CTNNA3: variants seen among roughly 807,000 people sequenced by gnomAD.
CTNNA3 encodes catenin alpha-3.
Under a neutral mutation model 95.7 loss-of-function variants are expected in CTNNA3, and 76 were observed. The observed-to-expected ratio is 0.79, with a 90% CI of 0.66 to 0.96. The LOEUF (loss-of-function observed/expected upper bound fraction) is 0.96. Among genes scored for constraint, CTNNA3 ranks in the 40% least tolerant of loss-of-function variants. The pLI, the probability that CTNNA3 is intolerant of heterozygous loss-of-function variation, is 0.00. For missense variants in CTNNA3, 1,191 were observed against 1,089.8 expected (o/e 1.09, Z -1.31); for synonymous variants, 431 against 374.4 (o/e 1.15, Z -1.74).
chr10:67,307,436 G>A (rs1840601573), intron 5 of CTNNA3, among the ~76,000 whole-genome samples: 1 of 152,106 alleles, frequency 6.6e-6, no homozygotes, highest in African/African-American at 2.4e-5. Context: ...CTGAATCTCT[G>A]CCTTCTATAC....
intron 11 of CTNNA3, among the ~76,000 whole-genome samples, chr10:66,462,302 GT>G: frequency 6.6e-6 from 1 of 152,018 alleles, no homozygotes; most frequent in Non-Finnish European, 1.5e-5. Context: ...TCAATATCAT[GT>G]TACACAATTC....
intron 11 of CTNNA3, among the ~76,000 whole-genome samples, chr10:66,413,155 C>T (rs540626534): frequency 6.6e-6 from 1 of 152,216 alleles, no homozygotes; most frequent in South Asian, 2.1e-4. Context: ...GTAGTTAGCA[C>T]AAGTCTTGGT....
At chr10:67,415,544 A>T (rs1403341808) in intron 5 of CTNNA3, among the ~76,000 whole-genome samples, 1 of 152,216 alleles carries the variant, frequency 6.6e-6, no homozygotes, top group Non-Finnish European at 1.5e-5. Context: ...GAATTGAAAG[A>T]ATCAATATTG....
chr10:66,433,225 T>G (rs1023392684), intron 11 of CTNNA3, among the ~76,000 whole-genome samples: 1 of 152,112 alleles, frequency 6.6e-6, no homozygotes, highest in Non-Finnish European at 1.5e-5. Flanking sequence ...AATTGCCACA[T>G]TGTCTTCCAC....
rs35487547 is a variant in CTNNA3 at position 66,749,603 on chromosome 10, A to C, written c.1281+16661T>G. 1.1e-3 allele frequency among the ~76,000 whole-genome samples: 166 copies of C among 152,198 alleles called. 1 individual carries two copies. The highest frequency in any genetic ancestry group is 1.7e-3 in the Non-Finnish European group (115 of 68,020). ...TGGATATACCCCGGTTTATTTATTCATTCACCTACTGAAGGACATCTTGAT... is the reference window on the plus strand; with the variant it reads ...TGGATATACCCCGGTTTATTTATTCCTTCACCTACTGAAGGACATCTTGAT... On this transcript the variant is annotated intron_variant, in intron 9 of 17. Coordinates refer to ENST00000433211, the MANE Select transcript of CTNNA3 (RefSeq NM_013266.4).
At chr10:67,465,765 A>G (rs1437879112) in intron 5 of CTNNA3, among the ~76,000 whole-genome samples, 1 of 152,266 alleles carries the variant, frequency 6.6e-6, no homozygotes, top group South Asian at 2.1e-4. Context: ...TTATTTGGAG[A>G]AGGTGAAAAA....
intron 7 of CTNNA3, among the ~76,000 whole-genome samples, chr10:66,955,565 C>T (rs1848743443): frequency 2.6e-5 from 4 of 152,096 alleles, no homozygotes; most frequent in South Asian, 2.1e-4. Flanking sequence ...TCCTCATTGC[C>T]TCTCATAACA....
At position 66,325,218 on chromosome 10, in the gene CTNNA3, C is replaced by T. The variant is rs74141445; in HGVS notation, c.1733-44597G>A. On this transcript the variant is annotated intron_variant, in intron 12 of 17. Transcript: ENST00000433211. ...TGTAGTCCCTCAGCTACATGCTTATCAGTTTTTGTTTAGTATTGACTGTTT... is the reference window on the plus strand; with the variant it reads ...TGTAGTCCCTCAGCTACATGCTTATTAGTTTTTGTTTAGTATTGACTGTTT... Among the ~76,000 whole-genome samples the T allele has an allele frequency of 9.1e-3, 1,380 of 152,098 alleles. 15 individuals are homozygous for T. The highest frequency in any genetic ancestry group is 0.027 in the African/African-American group (1,102 of 41,516).
chr10:67,302,395 T>C (rs1453666261), intron 5 of CTNNA3, among the ~76,000 whole-genome samples: 1 of 152,206 alleles, frequency 6.6e-6, no homozygotes, highest in Non-Finnish European at 1.5e-5. Context: ...TATTGTATTA[T>C]GTAAATCAAT....
rs374646386 is a variant in CTNNA3 at position 67,703,239 on chromosome 10, A to C, written c.-1-55725T>G. 2.1e-3 allele frequency among the ~76,000 whole-genome samples: 316 copies of C among 152,050 alleles called. 1 individual carries two copies. The highest frequency in any genetic ancestry group is 6.6e-3 in the East Asian group (34 of 5,116). Reference sequence around the variant, plus strand: ...CCATTCCTTCTGAAACTATTCCAATAAATAGAAAAAGAGGGAATCCTCCCT... The same window carrying C: ...CCATTCCTTCTGAAACTATTCCAATCAATAGAAAAAGAGGGAATCCTCCCT... On this transcript the variant is annotated intron_variant, in intron 1 of 17. Coordinates refer to the CTNNA3 transcript ENST00000684154.
chr10:66,837,534 G>T (rs1407357407), intron 7 of CTNNA3: 1 of 152,070 alleles, frequency 6.6e-6, no homozygotes, highest in Non-Finnish European at 1.5e-5. Context: ...AGTCTCTCTT[G>T]TTGTTGGACC....
intron 15 of CTNNA3, among the ~76,000 whole-genome samples, chr10:66,016,334 C>T (rs959848723): frequency 4.6e-5 from 7 of 152,286 alleles, no homozygotes; most frequent in African/African-American, 1.7e-4. Context: ...GTCACAGTGG[C>T]TGTGCTATGA....
intron 12 of CTNNA3, among the ~76,000 whole-genome samples, chr10:66,348,326 TTTAA>T (rs1713259569): frequency 6.6e-6 from 1 of 152,138 alleles, no homozygotes; most frequent in Non-Finnish European, 1.5e-5. Context: ...AACCCTATAA[TTTAA>T]TTAGCCGATT....
intron 13 of CTNNA3, among the ~76,000 whole-genome samples, chr10:66,184,075 A>G (rs1271485464): frequency 6.6e-6 from 1 of 152,054 alleles, no homozygotes; most frequent in African/African-American, 2.4e-5. Flanking sequence ...TGTTGGGCAG[A>G]TCACCTGAGG....
intron 10 of CTNNA3, among the ~76,000 whole-genome samples, chr10:66,593,724 G>A (rs961089897): frequency 7.2e-5 from 11 of 152,066 alleles, no homozygotes; most frequent in African/African-American, 2.4e-4. Flanking sequence ...CATACTTAAG[G>A]TCTCAAGCAG....
chr10:67,726,395 T>A (rs1257461500), intron 1 of CTNNA3, among the ~76,000 whole-genome samples: 1 of 67,744 alleles, frequency 1.5e-5, no homozygotes, highest in Non-Finnish European at 2.2e-5. Context: ...ATTATATATA[T>A]TATATATTAT....
chr10:67,348,578 T>A (rs1468463040), intron 5 of CTNNA3, among the ~76,000 whole-genome samples: 1 of 151,974 alleles, frequency 6.6e-6, no homozygotes, highest in African/African-American at 2.4e-5. Context: ...GGAGCCTGCG[T>A]TTCACATGAT....
At chr10:66,284,720 T>A (rs2091555685) in intron 12 of CTNNA3, among the ~76,000 whole-genome samples, 1 of 151,980 alleles carries the variant, frequency 6.6e-6, no homozygotes, top group Admixed American at 6.6e-5. Context: ...AATTGTTTTC[T>A]ACCATTAATA....
chr10:67,372,342 G>T (rs529306739), intron 5 of CTNNA3, among the ~76,000 whole-genome samples: 1 of 152,086 alleles, frequency 6.6e-6, no homozygotes, highest in South Asian at 2.1e-4. Flanking sequence ...GTTTTCTTCT[G>T]GGGTTTTTAT....
Sources: allele counts gnomAD v4.1 joint callset (sites outside exome capture counted in the v4.1 genomes callset), GRCh38; gene constraint gnomAD v4.1.1; transcripts MANE v1.5; gene names NCBI Gene and HGNC (gene_info 2026-07-23, HGNC 2026-07-21).